The following ZNF804B variants were observed in gnomAD, a reference collection of about 807,000 sequenced individuals.
ZNF804B encodes the protein zinc finger 804B.
ZNF804B carries 80 observed loss-of-function variants against 101.4 expected under a neutral mutation model. That is an observed-to-expected ratio of 0.79 (90% CI 0.66 to 0.95). The LOEUF (loss-of-function observed/expected upper bound fraction) is 0.95, where lower values mean the gene tolerates loss of function less well. Among genes scored for constraint, ZNF804B ranks in the 40% least tolerant of loss-of-function variants. The pLI is 0.00. For missense variants in ZNF804B, 1,673 were observed against 1,561.9 expected (o/e 1.07, Z -1.20); for synonymous variants, 622 against 558.8 (o/e 1.11, Z -1.59).
chr7:88,961,721 A>G (rs577772274), intron 1 of ZNF804B, among the ~76,000 whole-genome samples: 173 of 151,476 alleles, frequency 1.1e-3, no homozygotes, highest in African/African-American at 4.0e-3. Flanking sequence ...GGAAACTATG[A>G]TCCTGGCATG....
intron 2 of ZNF804B, among the ~76,000 whole-genome samples, chr7:89,273,118 C>A (rs1310209398): frequency 6.6e-6 from 1 of 152,036 alleles, no homozygotes; most frequent in African/African-American, 2.4e-5. Context: ...CAAACCTAAG[C>A]ACTATGTCAT....
At chr7:88,835,540 TAAATAAGCTTGAATTCAAATGAAAATA>T (rs979716924) in intron 1 of ZNF804B, among the ~76,000 whole-genome samples, 1 of 151,920 alleles carries the variant, frequency 6.6e-6, no homozygotes, top group Admixed American at 6.6e-5. Context: ...AATGTAAGCT[TAAATAAGCTTGAATTCAAATGAAAATA>T]ATTTGAATCT....
At chr7:89,242,264 C>G (rs1037380975) in intron 2 of ZNF804B, among the ~76,000 whole-genome samples, 2 of 150,812 alleles carry the variant, frequency 1.3e-5, no homozygotes, top group African/African-American at 4.9e-5. Flanking sequence ...AAGAAGTAAG[C>G]TATTGTTAGG....
chr7:89,224,088 C>A (rs1789044270), intron 2 of ZNF804B, among the ~76,000 whole-genome samples: 1 of 152,000 alleles, frequency 6.6e-6, no homozygotes, highest in Admixed American at 6.6e-5. Context: ...TCCTCACATG[C>A]AGCAGAACTC....
intron 1 of ZNF804B, among the ~76,000 whole-genome samples, chr7:89,068,149 C>T (rs2116292690): frequency 6.7e-6 from 1 of 148,808 alleles, no homozygotes; most frequent in Middle Eastern, 3.4e-3. Flanking sequence ...TTTATTTATA[C>T]TAGTTAATTT....
intron 2 of ZNF804B, among the ~76,000 whole-genome samples, chr7:89,290,271 A>G (rs1790266480): frequency 6.6e-6 from 1 of 152,150 alleles, no homozygotes; most frequent in South Asian, 2.1e-4. Flanking sequence ...TTCAGGTGAG[A>G]CCCAGCACAT....
At chr7:88,928,751 G>T (rs369079917) in intron 1 of ZNF804B, among the ~76,000 whole-genome samples, 14 of 152,218 alleles carry the variant, frequency 9.2e-5, no homozygotes, top group African/African-American at 3.4e-4. Flanking sequence ...TAGAAGAAAA[G>T]TGTTCTGTAA....
chr7:89,078,592 T>C (rs972406684), intron 1 of ZNF804B, among the ~76,000 whole-genome samples: 4 of 151,896 alleles, frequency 2.6e-5, no homozygotes, highest in South Asian at 4.1e-4. Flanking sequence ...TAAAATGAGA[T>C]GTTAGGGCAA....
At chr7:88,916,055 T>TA (rs1020586922) in intron 1 of ZNF804B, among the ~76,000 whole-genome samples, 2 of 151,912 alleles carry the variant, frequency 1.3e-5, no homozygotes, top group African/African-American at 2.4e-5. Context: ...TCTGTGGGCT[T>TA]AAAAAAAATA....
intron 1 of ZNF804B, among the ~76,000 whole-genome samples, chr7:88,968,346 A>T (rs1584044708): frequency 1.3e-5 from 2 of 151,580 alleles, no homozygotes; most frequent in South Asian, 4.1e-4. Context: ...GAAAACCCTG[A>T]TTCATCATCT....
chr7:89,177,501 A>T (rs1158043076), intron 1 of ZNF804B, among the ~76,000 whole-genome samples: 4 of 152,062 alleles, frequency 2.6e-5, no homozygotes, highest in African/African-American at 9.7e-5. Flanking sequence ...ATTTTTTCGA[A>T]TGTTTTAATG....
intron 2 of ZNF804B, among the ~76,000 whole-genome samples, chr7:89,301,604 C>T (rs763235791): frequency 8.6e-5 from 13 of 151,826 alleles, no homozygotes; most frequent in Non-Finnish European, 1.6e-4. Flanking sequence ...AGAATTTTAT[C>T]ATTATTTTGT....
intron 1 of ZNF804B, among the ~76,000 whole-genome samples, chr7:88,994,175 A>G (rs144259864): frequency 1.4e-4 from 22 of 151,982 alleles, no homozygotes; most frequent in African/African-American, 5.3e-4. Context: ...TTCTTTCATC[A>G]TATGCTAACT....
chr7:89,323,731 A>T (rs1790855267), intron 2 of ZNF804B, among the ~76,000 whole-genome samples: 1 of 152,132 alleles, frequency 6.6e-6, no homozygotes, highest in South Asian at 2.1e-4. Context: ...CGCTTTGCAC[A>T]ATACCCTATT....
At chr7:88,926,768 A>G (rs777332941) in intron 1 of ZNF804B, among the ~76,000 whole-genome samples, 18 of 152,132 alleles carry the variant, frequency 1.2e-4, no homozygotes, top group Non-Finnish European at 2.4e-4. Context: ...TGAAACATAC[A>G]TGATGCCAGC....
intron 1 of ZNF804B, among the ~76,000 whole-genome samples, chr7:89,060,583 G>A (rs1562873495): frequency 1.6e-4 from 24 of 152,092 alleles, no homozygotes. Flanking sequence ...AAATGCAGGT[G>A]AAAAAATACA....
intron 1 of ZNF804B, among the ~76,000 whole-genome samples, chr7:88,952,543 G>A (rs1394043645): frequency 6.6e-6 from 1 of 151,662 alleles, no homozygotes; most frequent in African/African-American, 2.4e-5. Context: ...TGATTATAGT[G>A]ATGTAGTCAG....
intron 1 of ZNF804B, among the ~76,000 whole-genome samples, chr7:89,097,371 T>G (rs1744720491): frequency 6.6e-6 from 1 of 152,194 alleles, no homozygotes; most frequent in African/African-American, 2.4e-5. Flanking sequence ...ATAAAATTTT[T>G]GAGTCTGCAA....
chr7:88,824,006 G>T (rs535591199), intron 1 of ZNF804B, among the ~76,000 whole-genome samples: 1 of 152,096 alleles, frequency 6.6e-6, no homozygotes, highest in African/African-American at 2.4e-5. Context: ...GATGCTCGCT[G>T]GCCTGCTACT....
Sources: gnomAD v4.1 joint callset for allele counts (sites outside exome capture counted in the v4.1 genomes callset) on GRCh38, gnomAD v4.1.1 for gene constraint, MANE v1.5 for transcripts, NCBI Gene and HGNC (gene_info 2026-07-23, HGNC 2026-07-21) for gene names.